The following NFIX variants were observed in gnomAD, a reference collection of about 807,000 sequenced individuals.
NFIX encodes the protein nuclear factor I X, also known as nuclear factor 1 X-type.
Under a neutral mutation model 53.3 loss-of-function variants are expected in NFIX, and 2 were observed. That is an observed-to-expected ratio of 0.04 (90% CI 0.02 to 0.12). NFIX has a LOEUF of 0.12. Ranked by LOEUF, NFIX falls within the 10% of genes least tolerant of loss-of-function variation. The probability of loss-of-function intolerance (pLI) is 1.00; values close to 1 mark genes in which losing one functional copy is unlikely to be tolerated. For missense variants in NFIX, 310 were observed against 674.5 expected, an observed-to-expected ratio of 0.46 and a Z score of 5.99; for synonymous variants, 244 against 289.0, an observed-to-expected ratio of 0.84 and a Z score of 1.58.
chr19:13,087,897 G>A (rs1462864433), intron 8 of NFIX, 92 bp from the exon 9 acceptor site: 2 of 1,434,516 alleles, frequency 1.4e-6, no homozygotes, highest in Non-Finnish European at 9.3e-7. Context: ...GGGAGCGCCC[G>A]CTCTCAGGAG....
intron 2 of NFIX, among the ~76,000 whole-genome samples, chr19:13,046,710 C>G (rs2145296048): frequency 6.6e-6 from 1 of 152,208 alleles, no homozygotes; most frequent in South Asian, 2.1e-4. Context: ...CTACATGGAT[C>G]CCTGTGTATG....
rs144412371 is a variant in NFIX, at chr19:13,093,600, C to A, written c.1495-1035C>A. Among the ~76,000 whole-genome samples the A allele has an allele frequency of 7.2e-5, 11 of 152,302 alleles. No individual in the cohort carries two copies. In the South Asian group the frequency reaches 1.9e-3, roughly 26 times the overall value. On this transcript the variant is annotated intron_variant, in intron 10 of 10. Coordinates refer to ENST00000592199, the MANE Select transcript of NFIX (RefSeq NM_001365902.3). This position sits in a 1 kb window ranked among gnomAD's most constrained non-coding sequence, Gnocchi z 4.7. The stretch of plus-strand genomic sequence containing the variant: ...GTGGCCTCAGGCAGGTCACGTACCC[C>A]CTCTGTGCCTAGCTTCCTGGTGGGG...
chr19:13,047,955 ATGCTC>A (rs2015094210), intron 2 of NFIX, among the ~76,000 whole-genome samples: 5 of 152,174 alleles, frequency 3.3e-5, no homozygotes, highest in Admixed American at 3.3e-4. Flanking sequence ...GGATCTGCCC[ATGCTC>A]TGCTTCTCGA....
rs889571388 is a variant in NFIX, at chr19:13,021,678, C to T, written c.28-3343C>T. Among the ~76,000 whole-genome samples the T allele has an allele frequency of 7.2e-5, 11 of 152,162 alleles. No homozygotes were observed. Among genetic ancestry groups the T allele is most frequent in the Non-Finnish European group, 1.5e-4 (10 of 68,032 alleles). On this transcript the variant is annotated intron_variant, in intron 1 of 10. Coordinates refer to ENST00000592199, the MANE Select transcript of NFIX (RefSeq NM_001365902.3). The surrounding 1 kb of genome is among the most constrained non-coding windows in gnomAD (Gnocchi z 4.2). ...CTCTGCTTTTCCTTTTATGTCATAT[C>T]TATTTCCTTCTTACTGTGTTTCGAA...
chr19:13,083,586 A>G (rs1047522088), intron 8 of NFIX, among the ~76,000 whole-genome samples: 2 of 152,190 alleles, frequency 1.3e-5, no homozygotes, highest in Non-Finnish European at 2.9e-5. Flanking sequence ...TTTTGCCTAG[A>G]AGCTTCTCTT....
At chr19:13,024,950 T>G in intron 1 of NFIX, 71 bp from the exon 2 acceptor site, 1 of 1,541,344 alleles carries the variant, frequency 6.5e-7, no homozygotes, top group Non-Finnish European at 8.8e-7. Context: ...CCTTCTCTCT[T>G]TCCCCCTCAT....
In NFIX at chr19:13,000,717, G is replaced by A. The variant is rs200233011; in HGVS notation, c.27+4853G>A. 1.4e-4 allele frequency among the ~76,000 whole-genome samples: 21 copies of A among 152,296 alleles called. No homozygotes were observed. In the East Asian group the frequency reaches 4.1e-3, roughly 29 times the overall value. ...GGTGCATCTAGATGATGACTTCAGG[G>A]ACGTCCCCAAGCTCCAGAACTTTCT... On this transcript the variant is annotated intron_variant, in intron 1 of 10. Coordinates refer to ENST00000592199, the MANE Select transcript of NFIX (RefSeq NM_001365902.3).
intron 10 of NFIX, among the ~76,000 whole-genome samples, chr19:13,092,931 C>T (rs1313872117): frequency 6.6e-6 from 1 of 152,242 alleles, no homozygotes; most frequent in Non-Finnish European, 1.5e-5. Flanking sequence ...GCTCGAGGAG[C>T]CCCACTGAGG....
chr19:13,087,200 G>A (rs1430015150), intron 8 of NFIX, among the ~76,000 whole-genome samples: 3 of 152,164 alleles, frequency 2.0e-5, no homozygotes, highest in African/African-American at 4.8e-5. Flanking sequence ...GCCAACCCAC[G>A]CAAGGCCATG....
At position 13,041,396 on chromosome 19, in the gene NFIX, C is replaced by T. The variant is rs569003064; in HGVS notation, c.559+15844C>T. 3.9e-5 allele frequency among the ~76,000 whole-genome samples: 6 copies of T among 152,298 alleles called. No homozygotes were observed. In the East Asian group the frequency reaches 1.2e-3, roughly 29 times the overall value. ...AAATTAAAATTATACAATTATGCCA[C>T]TGAAATAACTGCTATTAACTTTTGT... On this transcript the variant is annotated intron_variant, in intron 2 of 10. Coordinates refer to ENST00000592199, the MANE Select transcript of NFIX (RefSeq NM_001365902.3).
In NFIX at chr19:13,085,607, C is replaced by T. The variant is rs150391856; in HGVS notation, c.1255-2382C>T. Among the ~76,000 whole-genome samples the T allele has an allele frequency of 1.8e-3, 268 of 152,364 alleles. 3 individuals carry two copies. Among genetic ancestry groups the T allele is most frequent in the African/African-American group, 6.1e-3 (252 of 41,582 alleles). ...AGGGTCCCTTTCCAAAACACCTGCACAAAAGTTCTCCAGCCCTTGACACAT... is the reference window on the plus strand; with the variant it reads ...AGGGTCCCTTTCCAAAACACCTGCATAAAAGTTCTCCAGCCCTTGACACAT... On this transcript the variant is annotated intron_variant, in intron 8 of 10. Transcript: ENST00000592199.
chr19:13,092,256 A>C (rs893888444), intron 10 of NFIX, among the ~76,000 whole-genome samples: 12 of 151,504 alleles, frequency 7.9e-5, no homozygotes, highest in Non-Finnish European at 7.4e-5. Flanking sequence ...TTCCCTGGGC[A>C]GCGCTTTTTA....
chr19:13,077,582 G>A (rs993497438), intron 6 of NFIX, among the ~76,000 whole-genome samples: 51 of 151,818 alleles, frequency 3.4e-4, no homozygotes, highest in Admixed American at 2.8e-3. Flanking sequence ...CCCTTCCCCC[G>A]CCCCTTCCCT....
chr19:13,056,110 G>C (rs539558385), intron 2 of NFIX, among the ~76,000 whole-genome samples: 40 of 152,160 alleles, frequency 2.6e-4, no homozygotes, highest in Admixed American at 5.2e-4. Context: ...CCTGCTCTGC[G>C]GCTGAAATTG....
rs1027170342 is a variant in NFIX, at chr19:13,061,271, G to T, written c.560-11776G>T. Among the ~76,000 whole-genome samples, 3 of 152,170 alleles carry T rather than the reference G, an allele frequency of 2.0e-5. No individual in the cohort carries two copies. The South Asian group carries it at 6.2e-4, about 32-fold the overall frequency. Reference sequence around the variant, plus strand: ...CCCCTTTCCATCCGGCCCATGCACCGCAAGCTGTTCCTAATCAATGCGAAC... The same window carrying T: ...CCCCTTTCCATCCGGCCCATGCACCTCAAGCTGTTCCTAATCAATGCGAAC... On this transcript the variant is annotated intron_variant, in intron 2 of 10. Transcript: ENST00000592199.
chr19:13,057,098 T>C (rs909426881), intron 2 of NFIX, among the ~76,000 whole-genome samples: 34 of 152,236 alleles, frequency 2.2e-4, no homozygotes, highest in African/African-American at 8.2e-4. Flanking sequence ...TTAGAGAGTC[T>C]CAGGGCAAGG....
intron 2 of NFIX, among the ~76,000 whole-genome samples, chr19:13,038,517 G>C (rs1483752115): frequency 6.6e-6 from 1 of 152,212 alleles, no homozygotes; most frequent in Non-Finnish European, 1.5e-5. Context: ...GAGCAGGAGA[G>C]AGCCAAATCC....
intron 2 of NFIX, among the ~76,000 whole-genome samples, chr19:13,056,364 T>C (rs2015693622): frequency 6.6e-6 from 1 of 152,194 alleles, no homozygotes; most frequent in Non-Finnish European, 1.5e-5. Flanking sequence ...AGGGATTTCC[T>C]TTCTGTTTTG....
rs1260062334 is a variant in NFIX at position 13,035,885 on chromosome 19, CT to C, written c.559+10335del. 3.9e-5 allele frequency among the ~76,000 whole-genome samples: 6 copies of C among 152,348 alleles called. No individual in the cohort carries two copies. The South Asian group carries it at 1.2e-3, about 32-fold the overall frequency. On this transcript the variant is annotated intron_variant, in intron 2 of 10. Transcript: ENST00000592199. ...CTTCCCACCCGCTGCCTTTTGTACC[CT>C]TGCCCGCATCATCCCAAGTGCAGAG...
Sources: gnomAD v4.1 joint callset for allele counts (sites outside exome capture counted in the v4.1 genomes callset) on GRCh38, gnomAD v4.1.1 for gene constraint, Gnocchi (gnomAD v3.1) non-coding constraint, MANE v1.5 for transcripts, NCBI Gene and HGNC (gene_info 2026-07-23, HGNC 2026-07-21) for gene names.